The following DENND1A variants were observed in gnomAD, a reference collection of about 807,000 sequenced individuals.
DENND1A encodes DENN domain-containing protein 1A.
A neutral mutation model predicts 113.7 loss-of-function variants in DENND1A; 51 were observed. That is an observed-to-expected ratio of 0.45 (90% CI 0.36 to 0.57). The LOEUF is 0.57. Among genes scored for constraint, DENND1A ranks in the 20% least tolerant of loss-of-function variants. The pLI is 0.00. For missense variants in DENND1A, 1,258 were observed against 1,395.9 expected (o/e 0.90, Z 1.57); for synonymous variants, 565 against 570.8 (o/e 0.99, Z 0.14).
Position 123,550,365 on chromosome 9 carries a change from G to T in DENND1A, c.993+7205C>A, listed in dbSNP as rs141808927. Among the ~76,000 whole-genome samples, 749 of 152,292 alleles carry T rather than the reference G, an allele frequency of 4.9e-3. 3 individuals are homozygous for T. Among genetic ancestry groups the T allele is most frequent in the Non-Finnish European group, 7.5e-3 (512 of 68,022 alleles). Reference sequence around the variant, plus strand: ...CCAGCTAGCAGGTTGGCCCAGAGAGGGCCACACAAGCTAGCTGAATAAACA... The same window carrying T: ...CCAGCTAGCAGGTTGGCCCAGAGAGTGCCACACAAGCTAGCTGAATAAACA... On this transcript the variant is annotated intron_variant, in intron 13 of 23. Transcript: ENST00000394215.
chr9:123,865,086 C>T (rs563674302), intron 2 of DENND1A, among the ~76,000 whole-genome samples: 7 of 152,146 alleles, frequency 4.6e-5, no homozygotes, highest in East Asian at 1.9e-4. Context: ...GATGCTCTTC[C>T]TTCTGCTGGA....
chr9:123,518,463 A>G (rs188474918), intron 13 of DENND1A, among the ~76,000 whole-genome samples: 3 of 152,186 alleles, frequency 2.0e-5, no homozygotes, highest in Non-Finnish European at 4.4e-5. Flanking sequence ...TAAAATGCTA[A>G]TTGAGTTGGT....
intron 1 of DENND1A, among the ~76,000 whole-genome samples, chr9:123,917,770 G>C (rs2134111066): frequency 6.6e-6 from 1 of 152,118 alleles, no homozygotes; most frequent in South Asian, 2.1e-4. Flanking sequence ...CAGATGATGA[G>C]TCTGGGACAC....
Position 123,882,322 on chromosome 9 carries a change from C to CAAA in DENND1A, c.18-3304_18-3302dup, listed in dbSNP as rs59820553. On this transcript the variant is annotated intron_variant, in intron 1 of 23. Coordinates refer to ENST00000394215, the MANE Select transcript of DENND1A (RefSeq NM_001352964.2). Reference sequence around the variant, plus strand: ...TGAGCAACATAGCAAAACCTTGTTTCAAAAAAAAAAAAAAAAAATCCCATT... The same window carrying CAAA: ...TGAGCAACATAGCAAAACCTTGTTTCAAAAAAAAAAAAAAAAAAAAATCCCATT... Among the ~76,000 whole-genome samples the CAAA allele has an allele frequency of 3.6e-3, 446 of 124,388 alleles. 2 individuals are homozygous for CAAA. Among genetic ancestry groups the CAAA allele is most frequent in the Middle Eastern group, 0.013 (3 of 228 alleles). 81.6% of individuals were successfully genotyped at this position (124,388 alleles called of 152,430 possible).
chr9:123,694,373 T>C (rs1424550436), intron 5 of DENND1A, among the ~76,000 whole-genome samples: 2 of 152,120 alleles, frequency 1.3e-5, no homozygotes, highest in Non-Finnish European at 2.9e-5. Context: ...CCCAACCAGG[T>C]GAGGCAAAGA....
At chr9:123,798,725 C>CAAAAAAAAA (rs59256751) in intron 2 of DENND1A, among the ~76,000 whole-genome samples, 3 of 70,036 alleles carry the variant, frequency 4.3e-5, no homozygotes, top group Non-Finnish European at 6.4e-5. Flanking sequence ...GTGCTGGAGG[C>CAAAAAAAAA]AAAAAAAAAA....
chr9:123,595,348 G>C (rs1008557592), intron 11 of DENND1A, among the ~76,000 whole-genome samples: 8 of 152,228 alleles, frequency 5.3e-5, no homozygotes, highest in African/African-American at 1.9e-4. Context: ...CGATCCACTG[G>C]GTGTTCATTC....
intron 22 of DENND1A, 92 bp downstream of exon 22, chr9:123,387,638 A>G: frequency 1.2e-5 from 11 of 945,364 alleles, no homozygotes; most frequent in Non-Finnish European, 1.5e-5. Flanking sequence ...CCCCCGACAC[A>G]AAGGCAAGCA....
intron 13 of DENND1A, among the ~76,000 whole-genome samples, chr9:123,482,558 CCT>C: frequency 1.3e-5 from 2 of 152,276 alleles, no homozygotes; most frequent in South Asian, 4.1e-4. Flanking sequence ...GCTGTTTTTG[CCT>C]TTCATTCACT....
At chr9:123,499,209 T>C (rs1228388310) in intron 13 of DENND1A, among the ~76,000 whole-genome samples, 1 of 151,738 alleles carries the variant, frequency 6.6e-6, no homozygotes, top group Admixed American at 6.6e-5. Context: ...ACTTTTTGTA[T>C]TTTTAGTAGA....
At chr9:123,866,663 G>A (rs1033791617) in intron 2 of DENND1A, among the ~76,000 whole-genome samples, 1 of 152,144 alleles carries the variant, frequency 6.6e-6, no homozygotes, top group Non-Finnish European at 1.5e-5. Flanking sequence ...TAAGGGTGAC[G>A]TTAAATTACA....
intron 8 of DENND1A, among the ~76,000 whole-genome samples, chr9:123,656,536 G>A (rs749343518): frequency 4.6e-5 from 7 of 152,064 alleles, no homozygotes; most frequent in Non-Finnish European, 1.0e-4. Flanking sequence ...ACTTGGGGAG[G>A]GAAGGAGAAA....
chr9:123,608,150 G>C (rs1292354179), intron 11 of DENND1A, among the ~76,000 whole-genome samples: 14 of 152,136 alleles, frequency 9.2e-5, no homozygotes. Context: ...ATGACAAGGA[G>C]GAACTGTTAA....
At chr9:123,904,684 A>C (rs1852421045) in intron 1 of DENND1A, among the ~76,000 whole-genome samples, 1 of 150,806 alleles carries the variant, frequency 6.6e-6, no homozygotes, top group Admixed American at 6.6e-5. Context: ...AAATGAGCAA[A>C]GCCTCCAAGA....
intron 1 of DENND1A, among the ~76,000 whole-genome samples, chr9:123,905,010 C>T (rs545860411): frequency 6.6e-6 from 1 of 152,274 alleles, no homozygotes; most frequent in African/African-American, 2.4e-5. Flanking sequence ...GCAGATCTCT[C>T]AGCAGAAACC....
rs555946293 is a variant in DENND1A at position 123,442,571 on chromosome 9, G to A, written c.1357-2080C>T. 5.9e-5 allele frequency among the ~76,000 whole-genome samples: 9 copies of A among 152,172 alleles called. No homozygotes were observed. The South Asian group carries it at 1.7e-3, about 28-fold the overall frequency. On this transcript the variant is annotated intron_variant, in intron 18 of 23. Transcript: ENST00000394215. ...TTTTGGTTCAGGTAAAATTTTGTGC[G>A]TGGGTGTGTGTGCCTGTTTGTGTTT... is the stretch of plus-strand genomic sequence containing the variant.
intron 21 of DENND1A, among the ~76,000 whole-genome samples, chr9:123,395,764 C>T (rs1407865690): frequency 6.6e-6 from 1 of 152,138 alleles, no homozygotes; most frequent in Non-Finnish European, 1.5e-5. Flanking sequence ...CCTAATCACA[C>T]CTGGCACACA....
Position 123,382,312 on chromosome 9 carries a change from G to A in DENND1A, c.2333C>T (p.Pro778Leu). 6.2e-7 allele frequency: 1 copy of A among 1,610,554 alleles called. No individual in the cohort carries two copies. The highest frequency in any genetic ancestry group is 8.5e-7 in the Non-Finnish European group (1 of 1,179,240). ...CTGGAGCTTGGCCGGGCGGGGAATG[G>A]GCGGTGGAGGCACGATGCCCAGCTC... The part of the protein sequence containing the change: ...TPELGIVPPP[P>L]IPRPAKLQAA... Residue 778 changes from proline to leucine, a missense_variant, in exon 24 of 24, where the codon CCC (proline) becomes CTC (leucine). Pro to Leu is a moderately conservative substitution (Grantham distance 98, BLOSUM62 -3). Around this residue, in one of 2 missense-constraint regions of DENND1A, gnomAD observed 1,159 missense variants for 1,231.7 expected, o/e 0.94. Transcript: ENST00000394215.
At chr9:123,738,816 G>T (rs563057170) in intron 5 of DENND1A, among the ~76,000 whole-genome samples, 1 of 152,186 alleles carries the variant, frequency 6.6e-6, no homozygotes, top group African/African-American at 2.4e-5. Flanking sequence ...TTTATCTGGG[G>T]ACAACTTTCA....
Sources: allele counts gnomAD v4.1 joint callset (sites outside exome capture counted in the v4.1 genomes callset), GRCh38; gene constraint gnomAD v4.1.1; regional missense constraint gnomAD v4.1.1; transcripts MANE v1.5; gene names NCBI Gene and HGNC (gene_info 2026-07-23, HGNC 2026-07-21).